The following SGSM1 variants were observed in gnomAD, a reference collection of about 807,000 sequenced individuals.
SGSM1 encodes RUN and TBC1 domain containing 2.
SGSM1 carries 73 observed loss-of-function variants against 133.8 expected under a neutral mutation model. The ratio of observed to expected loss-of-function variants is 0.55; its 90% CI spans 0.45 to 0.66. The LOEUF is 0.66. SGSM1 is among the 30% of genes least tolerant of loss of function. The probability of loss-of-function intolerance (pLI) is 0.00; values close to 1 mark genes in which losing one functional copy is unlikely to be tolerated. For synonymous variants in SGSM1, 563 were observed against 573.0 expected (o/e 0.98, Z 0.25); for missense variants, 1,213 against 1,448.1 (o/e 0.84, Z 2.64).
At chr22:24,905,797 AAAAAAAAG>A (rs1438783312) in intron 21 of SGSM1, among the ~76,000 whole-genome samples, 2 of 151,698 alleles carry the variant, frequency 1.3e-5, no homozygotes, top group Admixed American at 6.6e-5. Flanking sequence ...TCAAAAAAAA[AAAAAAAAG>A]AAAAGAAGAA....
At chr22:24,837,603 G>T (rs1929532927) in intron 2 of SGSM1, among the ~76,000 whole-genome samples, 1 of 132,186 alleles carries the variant, frequency 7.6e-6, no homozygotes, top group Non-Finnish European at 1.6e-5. Context: ...TTCCCAGTCT[G>T]CTAAGTAGCG....
At chr22:24,901,378 C>G (rs1453607686) in intron 19 of SGSM1, among the ~76,000 whole-genome samples, 1 of 152,142 alleles carries the variant, frequency 6.6e-6, no homozygotes, top group Non-Finnish European at 1.5e-5. Context: ...CTTAAATTTT[C>G]CCACTTTGGC....
intron 2 of SGSM1, among the ~76,000 whole-genome samples, chr22:24,826,099 A>G (rs1928787197): frequency 6.6e-6 from 1 of 152,252 alleles, no homozygotes; most frequent in South Asian, 2.1e-4. Context: ...AGCAAAAGAT[A>G]CTATGAGATA....
chr22:24,855,190 G>T, intron 6 of SGSM1, 95 bp from the exon 7 acceptor site: 1 of 1,549,244 alleles, frequency 6.5e-7, no homozygotes, highest in Non-Finnish European at 8.7e-7. Context: ...CTAGCTGGCT[G>T]GAGGGGAGGG....
At chr22:24,899,030 A>C (rs1295351287) in intron 19 of SGSM1, among the ~76,000 whole-genome samples, 6,558 of 148,860 alleles carry the variant, frequency 0.044, 602 homozygotes, top group African/African-American at 0.15. Context: ...TCAAAAAAAA[A>C]AAAAAAAAAA....
chr22:24,833,677 C>T (rs536008207), intron 2 of SGSM1, among the ~76,000 whole-genome samples: 2 of 151,810 alleles, frequency 1.3e-5, no homozygotes, highest in South Asian at 4.2e-4. Flanking sequence ...AAAAGATTTC[C>T]ACATATGAAA....
chr22:24,847,834 C>T (rs777608321), intron 4 of SGSM1, 38 bp downstream of exon 4: 17 of 1,601,846 alleles, frequency 1.1e-5, no homozygotes, highest in Middle Eastern at 1.7e-4. Context: ...GGAGCAGCTC[C>T]CCCAATAGTC....
chr22:24,833,030 G>T (rs1018153461), intron 2 of SGSM1, among the ~76,000 whole-genome samples: 3 of 151,772 alleles, frequency 2.0e-5, no homozygotes, highest in Non-Finnish European at 4.4e-5. Flanking sequence ...TGCCTCCTGG[G>T]TTCAAGCGAT....
At chr22:24,823,772 A>T (rs115961289) in intron 2 of SGSM1, among the ~76,000 whole-genome samples, 3,645 of 150,490 alleles carry the variant, frequency 0.024, 137 homozygotes, top group African/African-American at 0.081. Flanking sequence ...TAACCAGGCA[A>T]GGTGGTGCGT....
intron 12 of SGSM1, among the ~76,000 whole-genome samples, chr22:24,869,891 A>G (rs1931681420): frequency 6.6e-6 from 1 of 152,228 alleles, no homozygotes; most frequent in Non-Finnish European, 1.5e-5. Flanking sequence ...TAAGATTTGA[A>G]AAGTACTTAG....
chr22:24,922,984 C>G (rs1934066590), intron 24 of SGSM1, among the ~76,000 whole-genome samples: 2 of 151,994 alleles, frequency 1.3e-5, no homozygotes, highest in Admixed American at 6.6e-5. Flanking sequence ...AAAAATTAGC[C>G]CAGCGTGATG....
At chr22:24,863,076 C>T (rs907130496) in intron 9 of SGSM1, among the ~76,000 whole-genome samples, 1 of 152,202 alleles carries the variant, frequency 6.6e-6, no homozygotes, top group African/African-American at 2.4e-5. Context: ...AAGCCCCGCC[C>T]CAGCGCAGAT....
intron 14 of SGSM1, among the ~76,000 whole-genome samples, chr22:24,882,890 C>CT (rs200855567): frequency 0.11 from 15,508 of 146,302 alleles, 1,183 homozygotes; most frequent in African/African-American, 0.21. Context: ...ACCACGGTTT[C>CT]TTTTTTTTTT....
intron 2 of SGSM1, among the ~76,000 whole-genome samples, chr22:24,807,351 AT>A (rs1303343572): frequency 6.6e-6 from 1 of 152,026 alleles, no homozygotes; most frequent in Admixed American, 6.6e-5. Context: ...ACCTAAGTGT[AT>A]CTCTTTGCAC....
At chr22:24,868,974 GAAACA>G (rs1931621390) in intron 12 of SGSM1, 119 bp downstream of exon 12, 1 of 1,430,376 alleles carries the variant, frequency 7.0e-7, no homozygotes, top group Non-Finnish European at 9.3e-7. Context: ...GGAGGATCTG[GAAACA>G]GAAAGTCGGT....
At position 24,901,874 on chromosome 22, in the gene SGSM1, C is replaced by A. The variant is rs749881193; in HGVS notation, c.2652C>A (p.Ile884=). 19 of 1,611,984 alleles carry A rather than the reference C, an allele frequency of 1.2e-5. No homozygotes were observed. Among genetic ancestry groups the A allele is most frequent in the Middle Eastern group, 1.7e-4 (1 of 6,060 alleles). The change falls in exon 20 of 25, where the codon ATC becomes ATA. Residue 884 remains isoleucine (I), a synonymous_variant. Coordinates refer to ENST00000400358, the MANE Select transcript of SGSM1 (RefSeq NM_001098497.3). ...TGTACACGGTGAACCTGCACCGCAT[C>A]GAGAAGGATGTGCAGAGGTGCGACC... ...LDLYTVNLHR[I]EKDVQRCDRN...
intron 16 of SGSM1, among the ~76,000 whole-genome samples, chr22:24,890,015 G>A (rs1932782836): frequency 6.8e-6 from 1 of 146,348 alleles, no homozygotes; most frequent in Non-Finnish European, 1.5e-5. Context: ...GGAGTGCAGT[G>A]GCGCGATCTC....
chr22:24,898,381 ATGT>A lies in SGSM1; in HGVS notation c.2436_2438del (p.Val813del), dbSNP rs778900896. On this transcript the variant is annotated inframe_deletion, in exon 19 of 25. Coordinates refer to ENST00000400358, the MANE Select transcript of SGSM1 (RefSeq NM_001098497.3). ...GACATGGCCCTGCCTGAAAAGGACG[ATGT>A]TGTGATGGAGGGCTGGAGGAGCAGC... 101 of 1,613,638 alleles carry A rather than the reference ATGT, an allele frequency of 6.3e-5. No homozygotes were observed. The highest frequency in any genetic ancestry group is 8.0e-5 in the Non-Finnish European group (94 of 1,179,850).
intron 2 of SGSM1, among the ~76,000 whole-genome samples, chr22:24,838,393 A>G (rs1382330271): frequency 6.6e-6 from 1 of 152,216 alleles, no homozygotes; most frequent in African/African-American, 2.4e-5. Flanking sequence ...AAATGCAACA[A>G]TGTGTAAGAA....
Sources: gnomAD v4.1 joint callset for allele counts (sites outside exome capture counted in the v4.1 genomes callset) on GRCh38, gnomAD v4.1.1 for gene constraint, MANE v1.5 for transcripts, NCBI Gene and HGNC (gene_info 2026-07-23, HGNC 2026-07-21) for gene names.